SHB: variants seen among roughly 807,000 people sequenced by gnomAD.
The protein encoded by SHB is SH2 domain containing adaptor protein B.
SHB carries 20 observed loss-of-function variants against 52.3 expected under a neutral mutation model. That is an observed-to-expected ratio of 0.38 (90% CI 0.27 to 0.56). SHB has a LOEUF of 0.56. SHB is among the 20% of genes least tolerant of loss of function. SHB has a pLI of 0.71. For synonymous variants in SHB, 397 were observed against 316.5 expected (o/e 1.25, Z -2.70); for missense variants, 825 against 723.3 (o/e 1.14, Z -1.61).
At chr9:38,020,959 A>T (rs918443023) in intron 1 of SHB, among the ~76,000 whole-genome samples, 29 of 152,192 alleles carry the variant, frequency 1.9e-4, no homozygotes, top group Non-Finnish European at 2.9e-5. Context: ...CGGCTACAGG[A>T]AGGGCTGGTG....
chr9:38,057,140 G>A (rs75984321), intron 1 of SHB, among the ~76,000 whole-genome samples: 2,023 of 152,226 alleles, frequency 0.013, 44 homozygotes, highest in African/African-American at 0.046. Flanking sequence ...TGTTCATTAC[G>A]GCACTGTTAA....
intron 2 of SHB, among the ~76,000 whole-genome samples, chr9:37,975,633 T>A (rs1405128842): frequency 6.6e-6 from 1 of 152,208 alleles, no homozygotes; most frequent in Admixed American, 6.5e-5. Context: ...GAAGGATGGA[T>A]GCTAGGATGC....
intron 1 of SHB, among the ~76,000 whole-genome samples, chr9:38,042,898 C>T (rs897968542): frequency 4.6e-5 from 7 of 152,184 alleles, no homozygotes; most frequent in Admixed American, 1.3e-4. Context: ...CCCATGACTA[C>T]CCAGCTAAGT....
rs529539560 is a variant in SHB at position 37,964,473 on chromosome 9, G to A, written c.1055-8419C>T. On this transcript the variant is annotated intron_variant, in intron 3 of 5. Coordinates refer to ENST00000377707, the MANE Select transcript of SHB (RefSeq NM_003028.3). ...CCCTAAGATCTGATGCTTGACTACAGGAAATCTAAAGATAAAGCCCGATGA... is the reference window on the plus strand; with the variant it reads ...CCCTAAGATCTGATGCTTGACTACAAGAAATCTAAAGATAAAGCCCGATGA... Among the ~76,000 whole-genome samples the A allele has an allele frequency of 2.2e-4, 33 of 152,276 alleles. No individual in the cohort carries two copies. In the South Asian group the frequency reaches 6.8e-3, roughly 32 times the overall value.
rs544946957 is a variant in SHB, at chr9:37,928,105, C to T, written c.1347-8101G>A. Among the ~76,000 whole-genome samples, 14 of 152,294 alleles carry T rather than the reference C, an allele frequency of 9.2e-5. No homozygotes were observed. The South Asian group carries it at 2.9e-3, about 32-fold the overall frequency. On this transcript the variant is annotated intron_variant, in intron 5 of 5. Transcript: ENST00000377707. The stretch of plus-strand genomic sequence containing the variant: ...ACTGATATCATTGGCTGGGCAAGTC[C>T]CCTCCCCCTGGGCCTCAGCGTCTCC...
At chr9:37,929,233 C>T (rs1832285654) in intron 5 of SHB, among the ~76,000 whole-genome samples, 1 of 152,224 alleles carries the variant, frequency 6.6e-6, no homozygotes, top group Non-Finnish European at 1.5e-5. Context: ...AAGCAAGGCT[C>T]GCCAGGTGCG....
intron 5 of SHB, among the ~76,000 whole-genome samples, chr9:37,946,745 C>T (rs1040307698): frequency 1.3e-5 from 2 of 152,186 alleles, no homozygotes; most frequent in African/African-American, 4.8e-5. Flanking sequence ...GGAGGCCCCT[C>T]CAGGCCAGGC....
intron 2 of SHB, among the ~76,000 whole-genome samples, chr9:38,012,986 G>A (rs1821159678): frequency 6.6e-6 from 1 of 151,602 alleles, no homozygotes; most frequent in African/African-American, 2.4e-5. Flanking sequence ...GAGCATCTAC[G>A]CACTGATGGC....
In SHB at chr9:37,919,848, G is replaced by A. The variant is rs1448781044; in HGVS notation, c.1503C>T (p.Leu501=). The A allele has an allele frequency of 1.9e-6, 3 of 1,613,966 alleles. No homozygotes were observed. The highest frequency in any genetic ancestry group is 2.5e-6 in the Non-Finnish European group (3 of 1,179,986). Reference sequence around the variant, plus strand: ...ACAGGGTCCTCACAGCCACGGGATAGAGGAGGGACAAGTGCTCAGCCCCTT... The same window carrying A: ...ACAGGGTCCTCACAGCCACGGGATAAAGGAGGGACAAGTGCTCAGCCCCTT... ...PIKGAEHLSL[L]YPVAVRTL is the part of the protein sequence containing the mutation. The change falls in exon 6 of 6, where the codon CTC becomes CTT. Residue 501 remains leucine, a synonymous_variant. Transcript: ENST00000377707.
chr9:37,964,383 TTCTTC>T lies in SHB; in HGVS notation c.1055-8334_1055-8330del, dbSNP rs375199686. Among the ~76,000 whole-genome samples, 47 of 152,292 alleles carry T rather than the reference TTCTTC, an allele frequency of 3.1e-4. 1 individual carries two copies. In the East Asian group the frequency reaches 6.8e-3, roughly 22 times the overall value. On this transcript the variant is annotated intron_variant, in intron 3 of 5. Coordinates refer to ENST00000377707, the MANE Select transcript of SHB (RefSeq NM_003028.3). ...CGGGCCTGGCAGAAGGGGCATGCCT[TTCTTC>T]TCTTATTTGTGACATCCCCAGAGGA...
chr9:38,041,001 G>A (rs1016111212), intron 1 of SHB, among the ~76,000 whole-genome samples: 9 of 152,014 alleles, frequency 5.9e-5, no homozygotes, highest in Admixed American at 1.3e-4. Flanking sequence ...ACTTCCACAG[G>A]ACTGTGCACC....
intron 1 of SHB, among the ~76,000 whole-genome samples, chr9:38,039,109 T>G (rs1821533127): frequency 1.3e-5 from 2 of 152,218 alleles, no homozygotes; most frequent in African/African-American, 4.8e-5. Context: ...GAGAACATTT[T>G]CTTCCCCGGA....
At chr9:37,983,250 T>C (rs1820760795) in intron 2 of SHB, among the ~76,000 whole-genome samples, 1 of 151,942 alleles carries the variant, frequency 6.6e-6, no homozygotes, top group Non-Finnish European at 1.5e-5. Context: ...AGACAGGAGG[T>C]CATAGCACAG....
At chr9:38,035,538 T>C (rs774472010) in intron 1 of SHB, among the ~76,000 whole-genome samples, 7 of 152,126 alleles carry the variant, frequency 4.6e-5, no homozygotes, top group African/African-American at 7.2e-5. Context: ...TCTCCACCTC[T>C]TTCCCCAGTG....
rs1241442199 is a variant in SHB at position 38,030,404 on chromosome 9, T to C, written c.718-14273A>G. ...CCTCACTGCTGCGATTCCTCCCACTTGCTGCTTTCTCTAACCTCAAGCTTC... is the reference window on the plus strand; with the variant it reads ...CCTCACTGCTGCGATTCCTCCCACTCGCTGCTTTCTCTAACCTCAAGCTTC... On this transcript the variant is annotated intron_variant, in intron 1 of 5. Coordinates refer to ENST00000377707, the MANE Select transcript of SHB (RefSeq NM_003028.3). 2.0e-5 allele frequency among the ~76,000 whole-genome samples: 3 copies of C among 152,322 alleles called. No individual in the cohort carries two copies. In the East Asian group the frequency reaches 5.8e-4, roughly 29 times the overall value.
At chr9:38,022,559 C>CAGA (rs1390341914) in intron 1 of SHB, among the ~76,000 whole-genome samples, 1 of 152,156 alleles carries the variant, frequency 6.6e-6, no homozygotes, top group Non-Finnish European at 1.5e-5. Flanking sequence ...CGTGAGGCGG[C>CAGA]AGCAGCAGCA....
At chr9:37,954,937 G>T (rs1175630749) in intron 4 of SHB, among the ~76,000 whole-genome samples, 1 of 152,074 alleles carries the variant, frequency 6.6e-6, no homozygotes, top group Non-Finnish European at 1.5e-5. Context: ...GTGCTGGGGG[G>T]CAGCAAGAAC....
Position 37,948,766 on chromosome 9 carries a change from G to T in SHB, c.1227-12C>A, listed in dbSNP as rs1277548865. ...CTCCGTGATACCATCTGTGGAGAGG[G>T]CAGAGAGTGGTCAGAGCCCAGCGCG... On this transcript the variant is annotated splice_polypyrimidine_tract_variant and intron_variant, in intron 4 of 5. Coordinates refer to ENST00000377707, the MANE Select transcript of SHB (RefSeq NM_003028.3). The T allele has an allele frequency of 2.5e-6, 4 of 1,613,436 alleles. No individual in the cohort carries two copies.
chr9:37,940,878 G>A (rs559123883), intron 5 of SHB, among the ~76,000 whole-genome samples: 4 of 152,212 alleles, frequency 2.6e-5, no homozygotes, highest in Non-Finnish European at 5.9e-5. Context: ...GGGCAGGAGA[G>A]CTGGAGGGGC....
Sources: gnomAD v4.1 joint callset for allele counts (sites outside exome capture counted in the v4.1 genomes callset) on GRCh38, gnomAD v4.1.1 for gene constraint, MANE v1.5 for transcripts, NCBI Gene and HGNC (gene_info 2026-07-23, HGNC 2026-07-21) for gene names.